Variants in CLNS1A observed in about 807,000 individuals in gnomAD.
CLNS1A encodes methylosome subunit pICln.
Under a neutral mutation model 29.4 loss-of-function variants are expected in CLNS1A, and 16 were observed. That is an observed-to-expected ratio of 0.54 (90% CI 0.37 to 0.83). The LOEUF (loss-of-function observed/expected upper bound fraction) is 0.83. Ranked by LOEUF, CLNS1A falls within the 40% of genes least tolerant of loss-of-function variation. CLNS1A has a pLI of 0.00. For synonymous variants in CLNS1A, 96 were observed against 104.8 expected (o/e 0.92, Z 0.51); for missense variants, 235 against 287.4 (o/e 0.82, Z 1.32).
intron 1 of CLNS1A, among the ~76,000 whole-genome samples, chr11:77,633,568 A>AC (rs1959095206): frequency 6.6e-6 from 1 of 152,212 alleles, no homozygotes; most frequent in Admixed American, 6.5e-5. Flanking sequence ...ATGCTTTTGC[A>AC]CAAGTATGGT....
At chr11:77,622,713 T>G in intron 4 of CLNS1A, 40 bp from the exon 5 acceptor site, 4 of 1,443,242 alleles carry the variant, frequency 2.8e-6, no homozygotes, top group Non-Finnish European at 2.8e-6. Flanking sequence ...ATACAACAAT[T>G]AGAAAAAACA....
intron 2 of CLNS1A, among the ~76,000 whole-genome samples, chr11:77,628,045 C>T (rs1453882439): frequency 1.3e-5 from 2 of 152,116 alleles, no homozygotes; most frequent in African/African-American, 2.4e-5. Flanking sequence ...AGGATGGTCT[C>T]GATCTCTTGA....
At chr11:77,622,360 T>C (rs540355447) in intron 5 of CLNS1A, 140 bp downstream of exon 5, 4 of 641,636 alleles carry the variant, frequency 6.2e-6, no homozygotes, top group Middle Eastern at 4.3e-4. Flanking sequence ...AGCATTCCTA[T>C]ACTATGTAAT....
intron 5 of CLNS1A, among the ~76,000 whole-genome samples, chr11:77,620,300 A>AG (rs1958943792): frequency 6.6e-6 from 1 of 152,140 alleles, no homozygotes; most frequent in African/African-American, 2.4e-5. Context: ...TGGTTATATA[A>AG]GGGGGAGTTT....
intron 5 of CLNS1A, among the ~76,000 whole-genome samples, chr11:77,620,905 C>G (rs1488895028): frequency 6.6e-6 from 1 of 151,938 alleles, no homozygotes; most frequent in African/African-American, 2.4e-5. Context: ...TCTCTTAAAC[C>G]CAGGAGGTGG....
intron 6 of CLNS1A, among the ~76,000 whole-genome samples, chr11:77,617,005 T>C (rs986971061): frequency 6.6e-6 from 1 of 152,352 alleles, no homozygotes; most frequent in South Asian, 2.1e-4. Flanking sequence ...TTATTAACAG[T>C]TGCATAAACT....
At position 77,625,064 on chromosome 11, in the gene CLNS1A, G is replaced by A. The variant is rs1393541742; in HGVS notation, c.371C>T (p.Ala124Val). Reference sequence around the variant, plus strand: ...GCATTCGCACATTGCAGTGAACATTGCCTCCACTGAACAAGGAAATTAAAC... The same window carrying A: ...GCATTCGCACATTGCAGTGAACATTACCTCCACTGAACAAGGAAATTAAAC... ...FVPSDKSALEAMFTAMCECQA... is the reference protein window; with the variant it reads ...FVPSDKSALEVMFTAMCECQA... Residue 124 changes from alanine (A) to valine (V), a missense_variant, in exon 4 of 7, where the codon GCA (alanine) becomes GTA (valine). Coordinates refer to ENST00000525428, the MANE Select transcript of CLNS1A (RefSeq NM_001293.3). 1 of 1,608,258 alleles carries A rather than the reference G, an allele frequency of 6.2e-7. No individual in the cohort carries two copies. The highest frequency in any genetic ancestry group is 1.1e-5 in the South Asian group (1 of 90,218).
chr11:77,636,066 T>TTTTTTA (rs1232390516), intron 1 of CLNS1A, among the ~76,000 whole-genome samples: 2 of 152,014 alleles, frequency 1.3e-5, no homozygotes, highest in Non-Finnish European at 2.9e-5. Context: ...TACACATTCT[T>TTTTTTA]TTTTTATTTT....
intron 6 of CLNS1A, among the ~76,000 whole-genome samples, chr11:77,619,087 A>G (rs770767615): frequency 6.6e-6 from 1 of 152,248 alleles, no homozygotes; most frequent in South Asian, 2.1e-4. Flanking sequence ...CTAGCTCTGT[A>G]TGATATGAAC....
rs1958899755 is a variant in CLNS1A, at chr11:77,615,508, A to C, written c.*1210T>G. Reference sequence around the variant, plus strand: ...AAAGTGGGATAAAAGCGTATCTCATAAGATAATTAAGAATATTATAATACA... The same window carrying C: ...AAAGTGGGATAAAAGCGTATCTCATCAGATAATTAAGAATATTATAATACA... On this transcript the variant is annotated 3_prime_UTR_variant, in exon 7 of 7. Transcript: ENST00000525428. The C allele has an allele frequency of 6.6e-6, 1 of 152,216 alleles. No homozygotes were observed. Among genetic ancestry groups the C allele is most frequent in the Admixed American group, 6.5e-5 (1 of 15,276 alleles). The allele number at this position is 152,216 out of a possible 1,614,324, so 9.4% of individuals were successfully genotyped here. A position where few individuals can be genotyped will look rare whatever the true frequency, so the allele number is the denominator to read the frequency against.
At chr11:77,633,320 C>T (rs1959093249) in intron 1 of CLNS1A, among the ~76,000 whole-genome samples, 1 of 152,156 alleles carries the variant, frequency 6.6e-6, no homozygotes, top group South Asian at 2.1e-4. Flanking sequence ...CAAGTTCTAA[C>T]TTTCAAAGTG....
At chr11:77,621,588 A>G (rs1201211750) in intron 5 of CLNS1A, among the ~76,000 whole-genome samples, 1 of 152,186 alleles carries the variant, frequency 6.6e-6, no homozygotes, top group Non-Finnish European at 1.5e-5. Flanking sequence ...GGTTGTAGTG[A>G]GCCAAGATCG....
chr11:77,637,009 C>T (rs1477494719), intron 1 of CLNS1A, among the ~76,000 whole-genome samples: 1 of 151,578 alleles, frequency 6.6e-6, no homozygotes, highest in Non-Finnish European at 1.5e-5. Flanking sequence ...CATATGACCC[C>T]TGTCTGTGTC....
In CLNS1A at chr11:77,628,242, T is replaced by C. The variant is rs75082092; in HGVS notation, c.262+1521A>G. Among the ~76,000 whole-genome samples, 71 of 152,344 alleles carry C rather than the reference T, an allele frequency of 4.7e-4. 2 individuals are homozygous for C. The East Asian group carries it at 0.013, about 28-fold the overall frequency. ...TCCCACCTCCAATGGCCGTCACTAT[T>C]TGGGGCCATTTCACACCAGCATCTG... On this transcript the variant is annotated intron_variant, in intron 2 of 6. Coordinates refer to ENST00000525428, the MANE Select transcript of CLNS1A (RefSeq NM_001293.3).
At chr11:77,624,170 T>A (rs1958991644) in intron 4 of CLNS1A, among the ~76,000 whole-genome samples, 2 of 152,068 alleles carry the variant, frequency 1.3e-5, no homozygotes, top group South Asian at 4.2e-4. Context: ...GAGGCTGAGC[T>A]GGGAGAATCA....
At chr11:77,622,088 G>A (rs776260718) in intron 5 of CLNS1A, 18 of 456,396 alleles carry the variant, frequency 3.9e-5, no homozygotes, top group African/African-American at 1.6e-4. Flanking sequence ...ATAACCTATC[G>A]TGGACTTCTA....
intron 6 of CLNS1A, among the ~76,000 whole-genome samples, chr11:77,619,045 C>T (rs2135758933): frequency 6.6e-6 from 1 of 152,286 alleles, no homozygotes; most frequent in Middle Eastern, 3.4e-3. Flanking sequence ...AATTTAACAA[C>T]AGCTTATAAA....
chr11:77,633,541 T>C (rs1959095083), intron 1 of CLNS1A, among the ~76,000 whole-genome samples: 1 of 152,150 alleles, frequency 6.6e-6, no homozygotes, highest in Non-Finnish European at 1.5e-5. Context: ...GTAGAGAACA[T>C]GTTTTGCTGA....
At chr11:77,627,621 C>T (rs1361924801) in intron 2 of CLNS1A, among the ~76,000 whole-genome samples, 3 of 152,114 alleles carry the variant, frequency 2.0e-5, no homozygotes, top group Non-Finnish European at 4.4e-5. Context: ...ATTTAAAACA[C>T]ACACCCTAAA....
Sources: allele counts gnomAD v4.1 joint callset (sites outside exome capture counted in the v4.1 genomes callset), GRCh38; gene constraint gnomAD v4.1.1; transcripts MANE v1.5; gene names NCBI Gene and HGNC (gene_info 2026-07-23, HGNC 2026-07-21).